Variants in NPAS3 observed in about 807,000 individuals in gnomAD.
The protein encoded by NPAS3 is neuronal PAS domain-containing protein 3.
A neutral mutation model predicts 73.1 loss-of-function variants in NPAS3; 14 were observed. The ratio of observed to expected loss-of-function variants is 0.19; its 90% CI spans 0.13 to 0.30. The LOEUF is 0.30. NPAS3 is among the 10% of genes least tolerant of loss of function. The pLI, the probability that NPAS3 is intolerant of heterozygous loss-of-function variation, is 1.00. For synonymous variants in NPAS3, 620 were observed against 541.5 expected (o/e 1.14, Z -2.01); for missense variants, 1,096 against 1,250.0 (o/e 0.88, Z 1.86).
At chr14:33,208,667 C>T (rs2046920337) in intron 2 of NPAS3, among the ~76,000 whole-genome samples, 1 of 152,048 alleles carries the variant, frequency 6.6e-6, no homozygotes, top group African/African-American at 2.4e-5. Context: ...AAATAATGGT[C>T]ATTTCACATG....
Position 33,154,520 on chromosome 14 carries a change from G to A in NPAS3, c.141-60662G>A, listed in dbSNP as rs372986712. 9.2e-5 allele frequency among the ~76,000 whole-genome samples: 14 copies of A among 152,296 alleles called. No individual in the cohort carries two copies. In the East Asian group the frequency reaches 1.4e-3, roughly 15 times the overall value. Reference sequence around the variant, plus strand: ...CAAATGCTTCCCGACTTCTTTTTACGACTCAGAGGATGCTGTATTTGTAAA... The same window carrying A: ...CAAATGCTTCCCGACTTCTTTTTACAACTCAGAGGATGCTGTATTTGTAAA... On this transcript the variant is annotated intron_variant, in intron 2 of 11. Coordinates refer to ENST00000356141, the Ensembl canonical transcript of NPAS3.
intron 5 of NPAS3, among the ~76,000 whole-genome samples, chr14:33,664,813 C>T (rs921265268): frequency 1.3e-5 from 2 of 152,190 alleles, no homozygotes; most frequent in Non-Finnish European, 2.9e-5. Flanking sequence ...AGTGAGATAC[C>T]ATCTCACACC....
At chr14:33,272,519 C>T (rs1017730774) in intron 3 of NPAS3, among the ~76,000 whole-genome samples, 8 of 152,060 alleles carry the variant, frequency 5.3e-5, no homozygotes, top group African/African-American at 1.9e-4. Context: ...CAGATTCAAG[C>T]AATTCTCTTC....
At chr14:32,939,623 CAAAAAA>C (rs752795909) in intron 1 of NPAS3, among the ~76,000 whole-genome samples, 2 of 110,298 alleles carry the variant, frequency 1.8e-5, no homozygotes, top group African/African-American at 3.6e-5. Flanking sequence ...GACTCACTGA[CAAAAAA>C]AAAAAAAAAA....
chr14:33,184,047 T>C (rs2045897272), intron 2 of NPAS3, among the ~76,000 whole-genome samples: 2 of 152,292 alleles, frequency 1.3e-5, no homozygotes, highest in Non-Finnish European at 1.5e-5. Context: ...TTGTCCATAA[T>C]TTCTCCTTCG....
At chr14:33,032,526 C>T (rs2040029482) in intron 1 of NPAS3, among the ~76,000 whole-genome samples, 2 of 152,196 alleles carry the variant, frequency 1.3e-5, no homozygotes, top group Non-Finnish European at 2.9e-5. Context: ...AGCATTCTTG[C>T]TCCAAGGCTT....
In NPAS3 at chr14:33,062,843, G is replaced by A. The variant is rs1033981223; in HGVS notation, c.140+6849G>A. Among the ~76,000 whole-genome samples, 4 of 152,218 alleles carry A rather than the reference G, an allele frequency of 2.6e-5. No individual in the cohort carries two copies. In the East Asian group the frequency reaches 7.7e-4, roughly 29 times the overall value. ...ACAGCAAACTTAAACTGTGGTTTCA[G>A]TAAATTCTCCTTACCTTATGAACAG... is the stretch of plus-strand genomic sequence containing the variant. On this transcript the variant is annotated intron_variant, in intron 2 of 11. Transcript: ENST00000356141.
At chr14:33,697,286 A>T (rs953783665) in intron 6 of NPAS3, among the ~76,000 whole-genome samples, 13 of 152,164 alleles carry the variant, frequency 8.5e-5, no homozygotes, top group African/African-American at 3.1e-4. Flanking sequence ...TCAAGGCTGA[A>T]TTTGCCCCCA....
intron 2 of NPAS3, among the ~76,000 whole-genome samples, chr14:33,077,660 A>G (rs2041704692): frequency 6.6e-6 from 1 of 151,946 alleles, no homozygotes; most frequent in African/African-American, 2.4e-5. Flanking sequence ...TTTACTAATT[A>G]ACACTTTTCT....
chr14:33,569,396 C>A (rs532716270), intron 5 of NPAS3, among the ~76,000 whole-genome samples: 15 of 152,238 alleles, frequency 9.9e-5, no homozygotes, highest in Non-Finnish European at 1.8e-4. Context: ...AACACAGATA[C>A]CTGTGGGCCA....
intron 2 of NPAS3, among the ~76,000 whole-genome samples, chr14:33,145,927 ATAACT>A (rs774672697): frequency 4.3e-4 from 65 of 152,298 alleles, no homozygotes; most frequent in Non-Finnish European, 5.7e-4. Context: ...TATATGAAAA[ATAACT>A]TAAAGAAGAA....
At chr14:33,638,251 C>T (rs1444642221) in intron 5 of NPAS3, among the ~76,000 whole-genome samples, 1 of 151,874 alleles carries the variant, frequency 6.6e-6, no homozygotes, top group Admixed American at 6.6e-5. Flanking sequence ...ATCATTTAAC[C>T]AGAATTATTT....
intron 3 of NPAS3, among the ~76,000 whole-genome samples, chr14:33,247,714 A>G (rs2048441496): frequency 6.6e-6 from 1 of 152,212 alleles, no homozygotes; most frequent in East Asian, 1.9e-4. Flanking sequence ...ATAACCTTCC[A>G]TAATTTGTTT....
intron 5 of NPAS3, among the ~76,000 whole-genome samples, chr14:33,642,316 G>A (rs752255641): frequency 1.8e-4 from 27 of 152,204 alleles, no homozygotes; most frequent in Admixed American, 5.9e-4. Context: ...GAAAATGAGA[G>A]TTTATTGATT....
chr14:33,233,258 A>G lies in NPAS3; in HGVS notation c.385+17832A>G, dbSNP rs533737130. 2.6e-5 allele frequency among the ~76,000 whole-genome samples: 4 copies of G among 152,254 alleles called. No homozygotes were observed. The East Asian group carries it at 7.7e-4, about 29-fold the overall frequency. ...ACAAACAATGAACCCCGAATGCTAT[A>G]AATTAACTTTATTTACTGACTTTAA... On this transcript the variant is annotated intron_variant, in intron 3 of 11. Transcript: ENST00000356141.
intron 1 of NPAS3, among the ~76,000 whole-genome samples, chr14:33,030,095 A>G (rs2039938380): frequency 6.6e-6 from 1 of 152,218 alleles, no homozygotes; most frequent in African/African-American, 2.4e-5. Context: ...CTGGCTGTTG[A>G]GGAAAGTAAA....
At chr14:33,252,785 C>T (rs1219025900) in intron 3 of NPAS3, among the ~76,000 whole-genome samples, 1 of 151,738 alleles carries the variant, frequency 6.6e-6, no homozygotes, top group Non-Finnish European at 1.5e-5. Context: ...CAACTCTTGC[C>T]CCACTCCCAC....
At chr14:33,783,838 C>A (rs751213430) in intron 9 of NPAS3, among the ~76,000 whole-genome samples, 1 of 152,118 alleles carries the variant, frequency 6.6e-6, no homozygotes, top group Admixed American at 6.5e-5. Context: ...CCAGCTGACT[C>A]GTATTCATGT....
At position 33,436,321 on chromosome 14, in the gene NPAS3, T is replaced by C. The variant is rs950372909; in HGVS notation, c.468+69053T>C. On this transcript the variant is annotated intron_variant, in intron 4 of 11. Transcript: ENST00000356141. ...TTCAAGAAGGGCTTCAATAGATACA[T>C]GGATTTTTAAAAATTTATAATAGCT... Among the ~76,000 whole-genome samples the C allele has an allele frequency of 3.3e-5, 5 of 152,302 alleles. No homozygotes were observed. The South Asian group carries it at 6.2e-4, about 19-fold the overall frequency.
Sources: gnomAD v4.1 joint callset for allele counts (sites outside exome capture counted in the v4.1 genomes callset) on GRCh38, gnomAD v4.1.1 for gene constraint, MANE v1.5 for transcripts, NCBI Gene and HGNC (gene_info 2026-07-23, HGNC 2026-07-21) for gene names.